Variants in RASAL2 observed in about 807,000 individuals in gnomAD.
RASAL2 encodes the protein RAS protein activator like 2, also known as ras GTPase-activating protein nGAP.
Under a neutral mutation model 128.9 loss-of-function variants are expected in RASAL2, and 58 were observed. That is an observed-to-expected ratio of 0.45 (90% CI 0.36 to 0.56). The LOEUF (loss-of-function observed/expected upper bound fraction) is 0.56, where lower values mean the gene tolerates loss of function less well. Ranked by LOEUF, RASAL2 falls within the 20% of genes least tolerant of loss-of-function variation. RASAL2 has a pLI of 0.00. For synonymous variants in RASAL2, 561 were observed against 580.8 expected (o/e 0.97, Z 0.49); for missense variants, 1,360 against 1,601.6 (o/e 0.85, Z 2.57).
intron 10 of RASAL2, among the ~76,000 whole-genome samples, chr1:178,451,943 T>C (rs1270308490): frequency 6.6e-6 from 1 of 152,178 alleles, no homozygotes; most frequent in East Asian, 1.9e-4. Context: ...AAATATAATC[T>C]CTCTAATAGA....
chr1:178,350,713 T>G (rs1343175228), intron 3 of RASAL2, among the ~76,000 whole-genome samples: 5 of 152,138 alleles, frequency 3.3e-5, no homozygotes, highest in Non-Finnish European at 7.4e-5. Context: ...ATCCCTGTTT[T>G]TTGGCTTGCT....
At chr1:178,418,903 A>G (rs1674951738) in intron 4 of RASAL2, among the ~76,000 whole-genome samples, 1 of 152,210 alleles carries the variant, frequency 6.6e-6, no homozygotes, top group African/African-American at 2.4e-5. Context: ...GTAGAAGCCC[A>G]GATAGCCTCC....
At chr1:178,399,194 C>T (rs1673453807) in intron 4 of RASAL2, among the ~76,000 whole-genome samples, 1 of 152,204 alleles carries the variant, frequency 6.6e-6, no homozygotes, top group South Asian at 2.1e-4. Flanking sequence ...TTCACCCAGC[C>T]ACAGCTGTCA....
At chr1:178,124,540 C>A (rs1015276044) in intron 1 of RASAL2, among the ~76,000 whole-genome samples, 1 of 152,054 alleles carries the variant, frequency 6.6e-6, no homozygotes, top group African/African-American at 2.4e-5. Flanking sequence ...GTTTAGTGGA[C>A]GGGAGGCAAA....
intron 3 of RASAL2, among the ~76,000 whole-genome samples, chr1:178,302,152 T>G (rs1667795447): frequency 1.3e-5 from 2 of 152,224 alleles, no homozygotes; most frequent in South Asian, 4.1e-4. Flanking sequence ...TATCTCCAAG[T>G]GATTTGTCTT....
chr1:178,300,068 C>T lies in RASAL2; in HGVS notation c.407C>T (p.Pro136Leu). The change falls in exon 3 of 18, where the codon CCT becomes CTT. Residue 136 changes from proline (P) to leucine (L), a missense_variant. By Grantham distance (98) the Pro-to-Leu change is moderately conservative (BLOSUM62 -3). This residue lies in a region of RASAL2 where 617 missense variants were observed against 714.2 expected (regional missense o/e 0.86). Transcript: ENST00000367649. ...GRCLRRTVSV[P>L]SEGQFPEYPP... ...TGCCTGAGGAGAACTGTCAGTGTCC[C>T]TTCCGAGGGTCAGTTTCCCGAGTAC... 1 of 1,613,908 alleles carries T rather than the reference C, an allele frequency of 6.2e-7. No individual in the cohort carries two copies.
chr1:178,259,927 G>A (rs907219677), intron 1 of RASAL2, among the ~76,000 whole-genome samples: 1 of 152,058 alleles, frequency 6.6e-6, no homozygotes, highest in African/African-American at 2.4e-5. Flanking sequence ...AGAGTGTAGA[G>A]TACAGCCATA....
At chr1:178,312,336 G>C (rs1418307981) in intron 3 of RASAL2, among the ~76,000 whole-genome samples, 1 of 152,122 alleles carries the variant, frequency 6.6e-6, no homozygotes. Flanking sequence ...GATCAGAAAG[G>C]CTGCGGACTT....
chr1:178,226,577 A>G (rs1403194519), intron 1 of RASAL2, among the ~76,000 whole-genome samples: 1 of 152,190 alleles, frequency 6.6e-6, no homozygotes, highest in South Asian at 2.1e-4. Flanking sequence ...ATATTAAGGA[A>G]AAATTTAAGC....
chr1:178,201,690 A>G (rs1662877976), intron 1 of RASAL2, among the ~76,000 whole-genome samples: 1 of 152,230 alleles, frequency 6.6e-6, no homozygotes, highest in Non-Finnish European at 1.5e-5. Context: ...CAAAGCAGCA[A>G]TCAGAATAGT....
intron 1 of RASAL2, among the ~76,000 whole-genome samples, chr1:178,096,464 TTGTGTG>T (rs57531713): frequency 3.2e-4 from 48 of 148,458 alleles, no homozygotes; most frequent in East Asian, 2.6e-3. Context: ...ATTGTATATT[TTGTGTG>T]TGTGTGTGTG....
chr1:178,219,596 C>T (rs1055388557), intron 1 of RASAL2, among the ~76,000 whole-genome samples: 2 of 147,292 alleles, frequency 1.4e-5, no homozygotes, highest in African/African-American at 5.1e-5. Flanking sequence ...CGCCATAGCA[C>T]TCTAGCCTAA....
chr1:178,116,619 A>T lies in RASAL2; in HGVS notation c.202+21925A>T, dbSNP rs559154743. On this transcript the variant is annotated intron_variant, in intron 1 of 17. Coordinates refer to ENST00000367649, the MANE Select transcript of RASAL2 (RefSeq NM_170692.4). ...ATAGATTGTTATTTTATTTTATTTT[A>T]TTTTTTTTGAGACGGAGTCTTGCTC... Among the ~76,000 whole-genome samples the T allele has an allele frequency of 2.8e-3, 422 of 150,714 alleles. 1 individual carries two copies. Among genetic ancestry groups the T allele is most frequent in the African/African-American group, 8.8e-3 (362 of 41,044 alleles).
At chr1:178,416,298 T>C (rs1159844509) in intron 4 of RASAL2, among the ~76,000 whole-genome samples, 1 of 152,082 alleles carries the variant, frequency 6.6e-6, no homozygotes, top group Admixed American at 6.5e-5. Context: ...TAAGTCCACT[T>C]TCACATAACA....
intron 3 of RASAL2, among the ~76,000 whole-genome samples, chr1:178,386,910 CAT>C (rs1483000960): frequency 2.0e-5 from 3 of 152,148 alleles, no homozygotes; most frequent in African/African-American, 7.2e-5. Context: ...GCTCTTAGAG[CAT>C]AGTAGCAGCT....
chr1:178,458,384 A>G lies in RASAL2; in HGVS notation c.3092A>G (p.His1031Arg), dbSNP rs1677936176. Residue 1031 changes from histidine to arginine, a missense_variant, in exon 14 of 18, where the codon CAC becomes CGC. His to Arg is a conservative substitution (Grantham distance 29, BLOSUM62 0). Coordinates refer to ENST00000367649, the MANE Select transcript of RASAL2 (RefSeq NM_170692.4). The part of the protein sequence containing the change: ...ARAKAPPSLP[H>R]SASLRSTGSM... Reference sequence around the variant, plus strand: ...GCCAAAGCCCCACCATCCCTGCCACACAGTGCTTCTTTACGTAGCACCGGG... The same window carrying G: ...GCCAAAGCCCCACCATCCCTGCCACGCAGTGCTTCTTTACGTAGCACCGGG... 1 of 1,614,228 alleles carries G rather than the reference A, an allele frequency of 6.2e-7. No homozygotes were observed. The highest frequency in any genetic ancestry group is 8.5e-7 in the Non-Finnish European group (1 of 1,180,036).
chr1:178,286,535 C>T (rs562310229), intron 2 of RASAL2, among the ~76,000 whole-genome samples: 3 of 152,188 alleles, frequency 2.0e-5, no homozygotes, highest in Non-Finnish European at 2.9e-5. Flanking sequence ...CTCAGCCTCC[C>T]GAGTAGCTGG....
chr1:178,447,293 G>A (rs1271967659), intron 9 of RASAL2, among the ~76,000 whole-genome samples: 1 of 151,850 alleles, frequency 6.6e-6, no homozygotes, highest in Non-Finnish European at 1.5e-5. Flanking sequence ...CTGCACTCCA[G>A]CCTGGGTGAC....
chr1:178,178,296 G>A lies in RASAL2; in HGVS notation c.202+83602G>A, dbSNP rs74128873. On this transcript the variant is annotated intron_variant, in intron 1 of 17. Coordinates refer to ENST00000367649, the MANE Select transcript of RASAL2 (RefSeq NM_170692.4). ...AATTTATTTCATTTATGTGATGTTA[G>A]CAACATGATGATAATCTGAAATGAA... 7.2e-3 allele frequency among the ~76,000 whole-genome samples: 1,088 copies of A among 152,124 alleles called. 15 individuals carry two copies. Among genetic ancestry groups the A allele is most frequent in the African/African-American group, 0.025 (1,022 of 41,516 alleles).
Sources: gnomAD v4.1 joint callset for allele counts (sites outside exome capture counted in the v4.1 genomes callset) on GRCh38, gnomAD v4.1.1 for gene constraint, gnomAD v4.1.1 regional missense constraint, MANE v1.5 for transcripts, NCBI Gene and HGNC (gene_info 2026-07-23, HGNC 2026-07-21) for gene names.